The following ATP8A2 variants were observed in gnomAD, a reference collection of about 807,000 sequenced individuals.
ATP8A2 encodes the protein phospholipid-transporting ATPase IB.
ATP8A2 carries 100 observed loss-of-function variants against 165.6 expected under a neutral mutation model. The ratio of observed to expected loss-of-function variants is 0.60; its 90% CI spans 0.51 to 0.71. ATP8A2 has a LOEUF of 0.71. Ranked by LOEUF, ATP8A2 falls within the 30% of genes least tolerant of loss-of-function variation. The pLI, the probability that ATP8A2 is intolerant of heterozygous loss-of-function variation, is 0.00. For synonymous variants in ATP8A2, 543 were observed against 548.8 expected, an observed-to-expected ratio of 0.99 and a Z score of 0.15; for missense variants, 1,227 against 1,479.5, an observed-to-expected ratio of 0.83 and a Z score of 2.80.
At position 25,862,378 on chromosome 13, in the gene ATP8A2, C is replaced by T. The variant is rs368697864; in HGVS notation, c.3153C>T (p.Thr1051=). 1.5e-5 allele frequency: 25 copies of T among 1,613,888 alleles called. No homozygotes were observed. Among genetic ancestry groups the T allele is most frequent in the Non-Finnish European group, 2.0e-5 (24 of 1,179,884 alleles). Residue 1051 remains threonine, a synonymous_variant, in exon 33 of 37, where the codon ACC becomes ACT. Transcript: ENST00000381655. ...FFGIYSTIWP[T]IPIAPDMRGQ... The stretch of plus-strand genomic sequence containing the variant: ...GCATCTACTCGACCATCTGGCCCAC[C>T]ATTCCCATTGCTCCAGATATGAGAG...
intron 35 of ATP8A2, among the ~76,000 whole-genome samples, chr13:25,974,483 G>A (rs1192041451): frequency 6.6e-6 from 1 of 152,100 alleles, no homozygotes; most frequent in South Asian, 2.1e-4. Flanking sequence ...GTGTGGTGGG[G>A]ACTGTAGTGA....
At chr13:25,912,684 C>T (rs1169233401) in intron 33 of ATP8A2, among the ~76,000 whole-genome samples, 3 of 152,108 alleles carry the variant, frequency 2.0e-5, no homozygotes, top group Non-Finnish European at 4.4e-5. Context: ...GAATTTACAA[C>T]CTAAATTTTT....
chr13:25,937,362 C>CTTTCTTTCTTTTTTTTTTTTTTTTTTTTT, intron 33 of ATP8A2, among the ~76,000 whole-genome samples: 14 of 38,790 alleles, frequency 3.6e-4, no homozygotes, highest in Non-Finnish European at 7.6e-4. Context: ...TTCTTTCTTT[C>CTTTCTTTCTTTTTTTTTTTTTTTTTTTTT]TTTTTTTTTT....
Position 25,929,506 on chromosome 13 carries a change from C to G in ATP8A2, c.3184-32069C>G, listed in dbSNP as rs563213409. ...TGTTTGCCGAATTTTTAGTTACATA[C>G]AAACACAACCTGATACTCCCCTCCA... On this transcript the variant is annotated intron_variant, in intron 33 of 36. Transcript: ENST00000381655. 8.9e-4 allele frequency among the ~76,000 whole-genome samples: 135 copies of G among 152,276 alleles called. 1 individual carries two copies. The highest frequency in any genetic ancestry group is 3.4e-3 in the Middle Eastern group (1 of 294).
intron 28 of ATP8A2, among the ~76,000 whole-genome samples, chr13:25,834,982 A>ATG (rs1198371559): frequency 1.5e-5 from 1 of 68,890 alleles, no homozygotes; most frequent in Non-Finnish European, 3.1e-5. Context: ...ATGATCCCTA[A>ATG]CGTGTGTGTG....
rs539203089 is a variant in ATP8A2 at position 25,677,568 on chromosome 13, G to A, written c.2212-21605G>A. Among the ~76,000 whole-genome samples the A allele has an allele frequency of 2.8e-4, 43 of 151,944 alleles. No individual in the cohort carries two copies. The South Asian group carries it at 8.1e-3, about 29-fold the overall frequency. On this transcript the variant is annotated intron_variant, in intron 24 of 36. Coordinates refer to ENST00000381655, the MANE Select transcript of ATP8A2 (RefSeq NM_016529.6). ...GAAGGCATGGCACTTGGACAGACAGGAGGTAGTCCAGGTAGCTCTGGGATA... is the reference window on the plus strand; with the variant it reads ...GAAGGCATGGCACTTGGACAGACAGAAGGTAGTCCAGGTAGCTCTGGGATA...
intron 2 of ATP8A2, among the ~76,000 whole-genome samples, chr13:25,502,237 A>G (rs555987059): frequency 6.6e-6 from 1 of 152,292 alleles, no homozygotes; most frequent in East Asian, 1.9e-4. Flanking sequence ...GGCAATTAGG[A>G]GGTGTGATGT....
chr13:25,842,474 C>A (rs1951766128), intron 30 of ATP8A2, among the ~76,000 whole-genome samples: 1 of 152,060 alleles, frequency 6.6e-6, no homozygotes, highest in South Asian at 2.1e-4. Context: ...CAGTTCGAGA[C>A]CAGCCTGGCC....
At chr13:25,897,188 T>G (rs1486314568) in intron 33 of ATP8A2, among the ~76,000 whole-genome samples, 1 of 152,242 alleles carries the variant, frequency 6.6e-6, no homozygotes, top group Non-Finnish European at 1.5e-5. Flanking sequence ...TTCCTTTCTA[T>G]GTTTAGTGCT....
At chr13:25,668,554 G>A (rs1359251765) in intron 24 of ATP8A2, among the ~76,000 whole-genome samples, 2 of 152,080 alleles carry the variant, frequency 1.3e-5, no homozygotes, top group African/African-American at 4.8e-5. Flanking sequence ...TTGTGGATAT[G>A]TAGATTCATG....
At chr13:25,642,433 G>A (rs925694248) in intron 24 of ATP8A2, among the ~76,000 whole-genome samples, 15 of 152,268 alleles carry the variant, frequency 9.9e-5, no homozygotes, top group East Asian at 3.9e-4. Flanking sequence ...CAAAGTGGGC[G>A]AAGGCTATGA....
chr13:25,645,522 A>G (rs1274604043), intron 24 of ATP8A2, among the ~76,000 whole-genome samples: 1 of 152,102 alleles, frequency 6.6e-6, no homozygotes, highest in African/African-American at 2.4e-5. Flanking sequence ...CTCTGAGATC[A>G]TTCTTCTTTC....
chr13:25,488,246 AC>A (rs755587614), intron 2 of ATP8A2, among the ~76,000 whole-genome samples: 11 of 152,162 alleles, frequency 7.2e-5, no homozygotes, highest in Non-Finnish European at 1.3e-4. Flanking sequence ...AAGGATAGTC[AC>A]ACTGGTGTGC....
At chr13:25,460,079 T>TA (rs2035465915) in intron 1 of ATP8A2, among the ~76,000 whole-genome samples, 1 of 152,148 alleles carries the variant, frequency 6.6e-6, no homozygotes, top group South Asian at 2.1e-4. Context: ...TGGGTGCCTA[T>TA]AATCCCAGCT....
intron 17 of ATP8A2, among the ~76,000 whole-genome samples, chr13:25,571,389 G>T (rs1259223614): frequency 6.6e-6 from 1 of 152,202 alleles, no homozygotes; most frequent in Non-Finnish European, 1.5e-5. Flanking sequence ...TTGTCCTGGT[G>T]AATTAGCATA....
chr13:25,563,392 AG>A (rs1214445908), intron 15 of ATP8A2, among the ~76,000 whole-genome samples: 1 of 136,454 alleles, frequency 7.3e-6, no homozygotes, highest in African/African-American at 2.8e-5. Flanking sequence ...CTGGGCAACA[AG>A]GGTGAAATTT....
intron 27 of ATP8A2, among the ~76,000 whole-genome samples, chr13:25,793,502 T>C (rs1209982333): frequency 6.6e-6 from 1 of 152,204 alleles, no homozygotes; most frequent in Non-Finnish European, 1.5e-5. Flanking sequence ...GGGTTGTCTA[T>C]ATTTTATCTT....
chr13:25,840,005 AC>A (rs1215975282), intron 30 of ATP8A2, among the ~76,000 whole-genome samples: 1 of 152,054 alleles, frequency 6.6e-6, no homozygotes, highest in Non-Finnish European at 1.5e-5. Context: ...AGCCTCCCCT[AC>A]CCATATGCAG....
intron 1 of ATP8A2, among the ~76,000 whole-genome samples, chr13:25,419,199 C>A (rs945662144): frequency 6.6e-6 from 1 of 152,144 alleles, no homozygotes; most frequent in African/African-American, 2.4e-5. Flanking sequence ...AGGCACTTGG[C>A]CCTGGAAACT....
Sources: gnomAD v4.1 joint callset for allele counts (sites outside exome capture counted in the v4.1 genomes callset) on GRCh38, gnomAD v4.1.1 for gene constraint, MANE v1.5 for transcripts, NCBI Gene and HGNC (gene_info 2026-07-23, HGNC 2026-07-21) for gene names.